The following ARHGAP6 variants were observed in gnomAD, a reference collection of about 807,000 sequenced individuals.
ARHGAP6 encodes the protein rho GTPase-activating protein 6.
ARHGAP6 carries 16 observed loss-of-function variants against 55.7 expected under a neutral mutation model. The observed-to-expected ratio is 0.29, with a 90% CI of 0.19 to 0.44. The LOEUF (loss-of-function observed/expected upper bound fraction) is 0.44, where lower values mean the gene tolerates loss of function less well. Ranked by LOEUF, ARHGAP6 falls within the 20% of genes least tolerant of loss-of-function variation. The pLI, the probability that ARHGAP6 is intolerant of heterozygous loss-of-function variation, is 1.00. For missense variants in ARHGAP6, 698 were observed against 808.9 expected (o/e 0.86, Z 1.66); for synonymous variants, 382 against 360.9 (o/e 1.06, Z -0.66).
intron 1 of ARHGAP6, among the ~76,000 whole-genome samples, chrX:11,347,034 T>C (rs1397267380): frequency 1.8e-5 from 2 of 112,308 alleles, no homozygotes; most frequent in Non-Finnish European, 3.8e-5. Flanking sequence ...AAAATATCAC[T>C]GTTTGATAGT....
intron 1 of ARHGAP6, among the ~76,000 whole-genome samples, chrX:11,577,321 C>T (rs760851680): frequency 2.7e-5 from 3 of 112,097 alleles, no homozygotes; most frequent in Non-Finnish European, 5.6e-5. Context: ...GTTCACAATA[C>T]AGTTATCATC....
intron 1 of ARHGAP6, among the ~76,000 whole-genome samples, chrX:11,359,563 G>A (rs915116636): frequency 8.9e-6 from 1 of 111,735 alleles, no homozygotes; most frequent in Non-Finnish European, 1.9e-5. Context: ...ATATTCCAAT[G>A]TATTCAAAAT....
rs970191573 is a variant in ARHGAP6, at chrX:11,552,002, C to T, written c.588+112239G>A. On this transcript the variant is annotated intron_variant, in intron 1 of 12. Transcript: ENST00000337414. ...TAGCAAACAAATACAATGAGCTGTA[C>T]GAGAAGACAGCATAGATGAAACAAA... 4.5e-5 allele frequency among the ~76,000 whole-genome samples: 5 copies of T among 111,228 alleles called. No individual in the cohort carries two copies. The East Asian group carries it at 8.4e-4, about 19-fold the overall frequency.
In ARHGAP6 at chrX:11,204,350, C is replaced by T. The variant is rs183327767; in HGVS notation, c.749-7354G>A. ...AGACACTATTCCAAGCTTGGCTCTG[C>T]CTCTGACTGGCTGCCTGACTTTGAG... On this transcript the variant is annotated intron_variant, in intron 2 of 12. Transcript: ENST00000337414. 5.0e-3 allele frequency among the ~76,000 whole-genome samples: 557 copies of T among 111,816 alleles called. 6 individuals carry two copies. Among genetic ancestry groups the T allele is most frequent in the African/African-American group, 0.017 (528 of 30,785 alleles).
Position 11,655,802 on chromosome X carries a change from C to G in ARHGAP6, c.588+8439G>C, listed in dbSNP as rs1165162136. 8.9e-5 allele frequency among the ~76,000 whole-genome samples: 10 copies of G among 112,514 alleles called. No individual in the cohort carries two copies. In the Admixed American group the frequency reaches 9.4e-4, roughly 11 times the overall value. On this transcript the variant is annotated intron_variant, in intron 1 of 12. Transcript: ENST00000337414. ...AAATTTTAGAACAAGATGTCACGCCCCAAAGGCAAGCCTCTGGGAATCTGG... is the reference window on the plus strand; with the variant it reads ...AAATTTTAGAACAAGATGTCACGCCGCAAAGGCAAGCCTCTGGGAATCTGG...
At chrX:11,182,628 CTTTT>C (rs1209180175) in intron 5 of ARHGAP6, among the ~76,000 whole-genome samples, 1 of 98,895 alleles carries the variant, frequency 1.0e-5, no homozygotes, top group African/African-American at 3.8e-5. Context: ...CTTTTTTTTC[CTTTT>C]TTCTTTTTTT....
At chrX:11,499,164 G>A (rs928000983) in intron 1 of ARHGAP6, among the ~76,000 whole-genome samples, 2 of 112,099 alleles carry the variant, frequency 1.8e-5, no homozygotes, top group East Asian at 2.8e-4. Flanking sequence ...AAGTGAAAAC[G>A]AAAACATGCA....
intron 1 of ARHGAP6, among the ~76,000 whole-genome samples, chrX:11,365,625 A>G (rs1249583800): frequency 8.9e-6 from 1 of 112,748 alleles, no homozygotes; most frequent in Non-Finnish European, 1.9e-5. Flanking sequence ...GATAAAATTC[A>G]TTAAATACGT....
intron 2 of ARHGAP6, among the ~76,000 whole-genome samples, chrX:11,236,184 T>G: frequency 8.9e-6 from 1 of 111,941 alleles, no homozygotes; most frequent in Middle Eastern, 4.6e-3. Context: ...CTCAGGAAAC[T>G]TACAATCATT....
intron 1 of ARHGAP6, among the ~76,000 whole-genome samples, chrX:11,299,703 T>G (rs974297383): frequency 2.7e-5 from 3 of 111,829 alleles, no homozygotes; most frequent in Non-Finnish European, 5.6e-5. Flanking sequence ...GATCCTATCA[T>G]GTATATGTAT....
In ARHGAP6 at chrX:11,574,247, C is replaced by T. The variant is rs1458233892; in HGVS notation, c.588+89994G>A. On this transcript the variant is annotated intron_variant, in intron 1 of 12. Coordinates refer to ENST00000337414, the MANE Select transcript of ARHGAP6 (RefSeq NM_013427.3). ...TTATGAGGCCAGCAGCATCCTGATA[C>T]CAAAGCCAGGCAGAGACACAACCAA... Among the ~76,000 whole-genome samples, 4 of 111,412 alleles carry T rather than the reference C, an allele frequency of 3.6e-5. No individual in the cohort carries two copies. In the East Asian group the frequency reaches 1.1e-3, roughly 31 times the overall value.
intron 1 of ARHGAP6, among the ~76,000 whole-genome samples, chrX:11,654,808 A>G: frequency 9.0e-6 from 1 of 111,157 alleles, no homozygotes; most frequent in Admixed American, 9.6e-5. Context: ...CTATATAACT[A>G]CTCTTCTACA....
At chrX:11,599,181 G>A (rs1274495520) in intron 1 of ARHGAP6, among the ~76,000 whole-genome samples, 2 of 111,926 alleles carry the variant, frequency 1.8e-5, no homozygotes, top group African/African-American at 6.5e-5. Context: ...TTGTTTCCAT[G>A]TCTTGGCTAT....
chrX:11,210,910 A>G (rs1365116670), intron 2 of ARHGAP6, among the ~76,000 whole-genome samples: 4 of 112,281 alleles, frequency 3.6e-5, no homozygotes, highest in Admixed American at 2.8e-4. Flanking sequence ...ATAGAGAAAA[A>G]TTATATTTCT....
intron 1 of ARHGAP6, among the ~76,000 whole-genome samples, chrX:11,491,948 A>T (rs1164747472): frequency 9.3e-6 from 1 of 107,739 alleles, no homozygotes; most frequent in African/African-American, 3.5e-5. Context: ...TTTGATTTGC[A>T]TTTCTCTGAT....
In ARHGAP6 at chrX:11,361,847, T is replaced by C. The variant is rs1278509585; in HGVS notation, c.589-107140A>G. On this transcript the variant is annotated intron_variant, in intron 1 of 12. Transcript: ENST00000337414. The stretch of plus-strand genomic sequence containing the variant: ...ACCCCATCAAAAAGTGGGCGAAGGA[T>C]ATGAACAGACACTTCTCAAAAGAAG... Among the ~76,000 whole-genome samples, 15 of 111,946 alleles carry C rather than the reference T, an allele frequency of 1.3e-4. No individual in the cohort carries two copies. In the East Asian group the frequency reaches 2.5e-3, roughly 19 times the overall value.
At chrX:11,558,328 C>T (rs2051342742) in intron 1 of ARHGAP6, among the ~76,000 whole-genome samples, 1 of 111,772 alleles carries the variant, frequency 8.9e-6, no homozygotes, top group Non-Finnish European at 1.9e-5. Flanking sequence ...GGATTGTCAA[C>T]AGGCATTTGA....
intron 1 of ARHGAP6, among the ~76,000 whole-genome samples, chrX:11,574,098 A>G (rs1341745774): frequency 9.0e-6 from 1 of 110,840 alleles, no homozygotes; most frequent in Non-Finnish European, 1.9e-5. Context: ...TTACCAACCA[A>G]AAAGAGTCCA....
chrX:11,280,218 A>C (rs1340258149), intron 1 of ARHGAP6, among the ~76,000 whole-genome samples: 1 of 111,739 alleles, frequency 8.9e-6, no homozygotes, highest in African/African-American at 3.3e-5. Context: ...AGACATGCAA[A>C]TGGCTCTCAC....
Sources: gnomAD v4.1 joint callset for allele counts (sites outside exome capture counted in the v4.1 genomes callset) on GRCh38, gnomAD v4.1.1 for gene constraint, MANE v1.5 for transcripts, NCBI Gene and HGNC (gene_info 2026-07-23, HGNC 2026-07-21) for gene names.